The following FOXN1 variants were observed in gnomAD, a reference collection of about 807,000 sequenced individuals.
FOXN1 encodes forkhead box N1, also known as forkhead box protein N1.
In FOXN1, 15 loss-of-function variants were observed where a neutral mutation model predicts 49.0. The observed-to-expected ratio is 0.31, with a 90% CI of 0.20 to 0.47. The LOEUF is 0.47. FOXN1 is among the 20% of genes least tolerant of loss of function. The probability of loss-of-function intolerance (pLI) is 1.00; values close to 1 mark genes in which losing one functional copy is unlikely to be tolerated. For missense variants in FOXN1, 800 were observed against 842.8 expected, an observed-to-expected ratio of 0.95 and a Z score of 0.63; for synonymous variants, 356 against 369.0, an observed-to-expected ratio of 0.96 and a Z score of 0.40.
intron 4 of FOXN1, among the ~76,000 whole-genome samples, chr17:28,527,662 G>A (rs1394644847): frequency 1.3e-5 from 2 of 152,202 alleles, no homozygotes; most frequent in Non-Finnish European, 2.9e-5. Context: ...ATGGGGGAAG[G>A]AGGAGAGCTG....
chr17:28,520,188 G>A lies in FOXN1; in HGVS notation c.-14-3768G>A, dbSNP rs376753651. ...TCAAATCCAGCCCTGACTCCAGGTC[G>A]TCCAGCTTCAGGGGTTCTGCCGGCT... On this transcript the variant is annotated intron_variant, in intron 1 of 8. Transcript: ENST00000579795. 5.0e-3 allele frequency among the ~76,000 whole-genome samples: 762 copies of A among 152,280 alleles called. 6 individuals carry two copies. Among genetic ancestry groups the A allele is most frequent in the African/African-American group, 0.017 (697 of 41,538 alleles).
At position 28,537,500 on chromosome 17, in the gene FOXN1, A is replaced by G. The variant is rs2070101960; in HGVS notation, c.*64A>G. On this transcript the variant is annotated 3_prime_UTR_variant, in exon 9 of 9. Transcript: ENST00000579795. ...CTGGAAGTCCTGGCCGGCCGCCCAC[A>G]TCGGGCTCACCTTAAAGGTCAAGGA... 7.6e-7 allele frequency: 1 copy of G among 1,309,894 alleles called. No individual in the cohort carries two copies. 81.1% of individuals were successfully genotyped at this position (1,309,894 alleles called of 1,614,324 possible). A position where few individuals can be genotyped will look rare whatever the true frequency, so the allele number is the denominator to read the frequency against.
In FOXN1 at chr17:28,524,505, G is replaced by A. The variant is rs1313537917; in HGVS notation, c.126G>A (p.Lys42=). 1 of 1,613,608 alleles carries A rather than the reference G, an allele frequency of 6.2e-7. No individual in the cohort carries two copies. The highest frequency in any genetic ancestry group is 1.7e-5 in the Admixed American group (1 of 60,028). Residue 42 remains lysine, a splice_region_variant and synonymous_variant, in exon 3 of 9, where the codon AAG becomes AAA. Coordinates refer to ENST00000579795, the MANE Select transcript of FOXN1 (RefSeq NM_001369369.1). ...GLPGSPAPQS[K]HAGFSCSSFV... ...CTCGCTACTCTCTGTCTACCCAGAA[G>A]CATGCCGGCTTCAGCTGCTCGTCAT... is the stretch of plus-strand genomic sequence containing the variant.
At chr17:28,525,880 A>G (rs2069755733) in intron 3 of FOXN1, among the ~76,000 whole-genome samples, 2 of 152,158 alleles carry the variant, frequency 1.3e-5, no homozygotes, top group South Asian at 4.1e-4. Flanking sequence ...CCCCTTAAAC[A>G]TGACCACAGC....
chr17:28,537,866 A>C lies in FOXN1; in HGVS notation c.*430A>C. ...GAGAGCTGAGCGCTTTGCTTACCAA[A>C]AGCTCAGGGCCCTGTGCCAGGCCAA... On this transcript the variant is annotated 3_prime_UTR_variant, in exon 9 of 9. Coordinates refer to ENST00000579795, the MANE Select transcript of FOXN1 (RefSeq NM_001369369.1). 3.7e-6 allele frequency: 1 copy of C among 270,848 alleles called. No individual in the cohort carries two copies. The highest frequency in any genetic ancestry group is 9.3e-5 in the East Asian group (1 of 10,810). The allele number at this position is 270,848 out of a possible 1,614,324, so 16.8% of individuals were successfully genotyped here. A position where few individuals can be genotyped will look rare whatever the true frequency, so the allele number is the denominator to read the frequency against.
chr17:28,518,099 G>A (rs954975911), intron 1 of FOXN1, among the ~76,000 whole-genome samples: 1 of 151,530 alleles, frequency 6.6e-6, no homozygotes, highest in Non-Finnish European at 1.5e-5. Context: ...TACCTCCACA[G>A]GGTACACACC....
chr17:28,532,440 T>G (rs2069936505), intron 6 of FOXN1, among the ~76,000 whole-genome samples: 8 of 152,082 alleles, frequency 5.3e-5, no homozygotes, highest in Admixed American at 5.2e-4. Context: ...GGGGACAGAG[T>G]TGGAGGCTAA....
intron 6 of FOXN1, among the ~76,000 whole-genome samples, chr17:28,532,222 T>C (rs1209959300): frequency 6.6e-6 from 1 of 152,052 alleles, no homozygotes; most frequent in African/African-American, 2.4e-5. Flanking sequence ...CTGGGAGCCA[T>C]GTAATCCCTG....
intron 1 of FOXN1, among the ~76,000 whole-genome samples, chr17:28,517,128 TAC>T (rs2069526576): frequency 8.8e-6 from 1 of 113,742 alleles, no homozygotes; most frequent in Non-Finnish European, 1.9e-5. Flanking sequence ...CTCAAAAGGG[TAC>T]ACATCTCCAC....
chr17:28,523,900 G>C, intron 1 of FOXN1, 56 bp from the exon 2 acceptor site: 1 of 1,597,356 alleles, frequency 6.3e-7, no homozygotes, highest in Non-Finnish European at 8.6e-7. Flanking sequence ...GGCGAACCTG[G>C]GTTGGTCCCC....
At position 28,537,376 on chromosome 17, in the gene FOXN1, G is replaced by A. The variant is rs538932844; in HGVS notation, c.1887G>A (p.Thr629=). ...AFMELEPTPP[T]APAGPSVYLS... is the part of the protein sequence containing the mutation. The stretch of plus-strand genomic sequence containing the variant: ...TGGAGCTGGAGCCCACGCCCCCCAC[G>A]GCCCCTGCAGGCCCCTCTGTGTACC... The change falls in exon 9 of 9, where the codon ACG becomes ACA. Residue 629 remains threonine (T), a synonymous_variant. Transcript: ENST00000579795. 2.4e-5 allele frequency: 38 copies of A among 1,612,740 alleles called. No individual in the cohort carries two copies. The highest frequency in any genetic ancestry group is 1.9e-4 in the African/African-American group (14 of 75,004).
intron 6 of FOXN1, among the ~76,000 whole-genome samples, chr17:28,531,072 C>G (rs1567883925): frequency 6.6e-6 from 1 of 152,208 alleles, no homozygotes. Context: ...CAAGGTTGCA[C>G]AGCAGACTGG....
rs2070133797 is a variant in FOXN1 at position 28,538,698 on chromosome 17, C to T, written c.*1262C>T. On this transcript the variant is annotated 3_prime_UTR_variant, in exon 9 of 9. Transcript: ENST00000579795. ...GGTGCCCGGGAAGCACAAGGGATAC[C>T]CTTGGCCCTGCGGGGTGTGGCCCAG... The T allele has an allele frequency of 6.6e-6, 1 of 152,218 alleles. No homozygotes were observed. Among genetic ancestry groups the T allele is most frequent in the African/African-American group, 2.4e-5 (1 of 41,444 alleles). 9.4% of individuals were successfully genotyped at this position (152,218 alleles called of 1,614,324 possible).
At chr17:28,521,140 C>G (rs1202601661) in intron 1 of FOXN1, among the ~76,000 whole-genome samples, 1 of 152,062 alleles carries the variant, frequency 6.6e-6, no homozygotes, top group African/African-American at 2.4e-5. Context: ...CCCCATTTCT[C>G]AGATGCGGAA....
At position 28,513,047 on chromosome 17, in the gene FOXN1, T is replaced by C. The variant is rs556725074; in HGVS notation, c.-15+6604T>C. On this transcript the variant is annotated intron_variant, in intron 1 of 8. Transcript: ENST00000579795. ...TTCCTTGAAACCAAACACCCCTTTCTTTCCATCTACAAAATAAACATCCCC... is the reference window on the plus strand; with the variant it reads ...TTCCTTGAAACCAAACACCCCTTTCCTTCCATCTACAAAATAAACATCCCC... Among the ~76,000 whole-genome samples, 248 of 152,322 alleles carry C rather than the reference T, an allele frequency of 1.6e-3. 1 individual carries two copies. The highest frequency in any genetic ancestry group is 6.8e-3 in the Middle Eastern group (2 of 294).
Position 28,534,748 on chromosome 17 carries a change from G to A in FOXN1, c.1177G>A (p.Gly393Ser). Residue 393 changes from glycine to serine, a missense_variant, in exon 8 of 9, where the codon GGC (glycine) becomes AGC (serine). By Grantham distance (56) the Gly-to-Ser change is moderately conservative. This residue lies in a region of FOXN1 where 344 missense variants were observed against 366.1 expected (regional missense o/e 0.94). Coordinates refer to ENST00000579795, the MANE Select transcript of FOXN1 (RefSeq NM_001369369.1). The surrounding 1 kb of genome is among the most constrained non-coding windows in gnomAD (Gnocchi z 4.1). ...CATTGGAGACAAGAGAGAAAAGCTG[G>A]GCTCCCCACTCCTGGGCTGTCCGCC... The part of the protein sequence containing the change: ...SLIGDKREKL[G>S]SPLLGCPPPG... 1 of 1,613,622 alleles carries A rather than the reference G, an allele frequency of 6.2e-7. No individual in the cohort carries two copies.
At chr17:28,516,149 TCTCCACAGGATCCATAC>T (rs2069493575) in intron 1 of FOXN1, among the ~76,000 whole-genome samples, 18 of 82,100 alleles carry the variant, frequency 2.2e-4, no homozygotes, top group Non-Finnish European at 3.7e-4. Context: ...AGGGTACACA[TCTCCACAGGATCCATAC>T]CTCCACAGGG....
At chr17:28,522,405 G>A (rs1308564479) in intron 1 of FOXN1, among the ~76,000 whole-genome samples, 1 of 152,224 alleles carries the variant, frequency 6.6e-6, no homozygotes, top group Non-Finnish European at 1.5e-5. Context: ...CCAGCACTTT[G>A]GGAGGCCAAA....
intron 3 of FOXN1, among the ~76,000 whole-genome samples, chr17:28,525,226 G>A (rs1282934387): frequency 6.6e-6 from 1 of 152,166 alleles, no homozygotes; most frequent in Non-Finnish European, 1.5e-5. Context: ...ATTCCAGTGT[G>A]TGACTTCTCA....
Sources: allele counts gnomAD v4.1 joint callset (sites outside exome capture counted in the v4.1 genomes callset), GRCh38; gene constraint gnomAD v4.1.1; regional missense constraint gnomAD v4.1.1; non-coding constraint Gnocchi (gnomAD v3.1); transcripts MANE v1.5; gene names NCBI Gene and HGNC (gene_info 2026-07-23, HGNC 2026-07-21).